FSTL5: variants seen among roughly 807,000 people sequenced by gnomAD.
FSTL5 encodes follistatin like 5.
FSTL5 carries 62 observed loss-of-function variants against 89.1 expected under a neutral mutation model. That is an observed-to-expected ratio of 0.70 (90% CI 0.57 to 0.86). The LOEUF (loss-of-function observed/expected upper bound fraction) is 0.86, where lower values mean the gene tolerates loss of function less well. Among genes scored for constraint, FSTL5 ranks in the 40% least tolerant of loss-of-function variants. The pLI is 0.00. For synonymous variants in FSTL5, 383 were observed against 346.2 expected (o/e 1.11, Z -1.18); for missense variants, 1,057 against 1,001.6 (o/e 1.06, Z -0.75).
intron 3 of FSTL5, among the ~76,000 whole-genome samples, chr4:161,949,007 C>T (rs984025234): frequency 5.3e-5 from 8 of 152,098 alleles, no homozygotes; most frequent in African/African-American, 1.9e-4. Flanking sequence ...GGTTAGAAGT[C>T]TGAAATGGTC....
At chr4:161,446,706 T>C (rs539099643) in intron 15 of FSTL5, among the ~76,000 whole-genome samples, 1 of 152,222 alleles carries the variant, frequency 6.6e-6, no homozygotes, top group African/African-American at 2.4e-5. Flanking sequence ...CCATGCAATG[T>C]ACACTTTCAA....
chr4:161,465,816 A>T lies in FSTL5; in HGVS notation c.1609-6497T>A, dbSNP rs115743951. ...CCTACATAATAATCATTAAAAGAAA[A>T]GTTGTTCACACTGTAGCCTTTGCTT... On this transcript the variant is annotated intron_variant, in intron 13 of 15. Transcript: ENST00000306100. Among the ~76,000 whole-genome samples, 557 of 152,336 alleles carry T rather than the reference A, an allele frequency of 3.7e-3. 3 individuals carry two copies. The highest frequency in any genetic ancestry group is 0.012 in the African/African-American group (504 of 41,580).
At chr4:162,144,161 C>G (rs574367743) in intron 1 of FSTL5, among the ~76,000 whole-genome samples, 1 of 152,202 alleles carries the variant, frequency 6.6e-6, no homozygotes, top group South Asian at 2.1e-4. Context: ...AGAGACTGGT[C>G]TGCGGGAGAT....
At chr4:161,991,207 T>C (rs935860019) in intron 3 of FSTL5, among the ~76,000 whole-genome samples, 8 of 152,196 alleles carry the variant, frequency 5.3e-5, no homozygotes, top group African/African-American at 1.9e-4. Flanking sequence ...ACATAACTCA[T>C]TGGTTTGTCT....
chr4:162,150,233 A>G (rs965579341), intron 1 of FSTL5, among the ~76,000 whole-genome samples: 21 of 152,186 alleles, frequency 1.4e-4, no homozygotes, highest in African/African-American at 4.8e-4. Context: ...ATCAGTTTAC[A>G]TGGAAAATAT....
At chr4:161,998,683 C>T (rs146486031) in intron 3 of FSTL5, among the ~76,000 whole-genome samples, 189 of 152,252 alleles carry the variant, frequency 1.2e-3, no homozygotes, top group African/African-American at 4.4e-3. Context: ...GAGAATTTGA[C>T]TGAATTGCTT....
intron 4 of FSTL5, among the ~76,000 whole-genome samples, chr4:161,883,555 C>T (rs1481239476): frequency 6.6e-6 from 1 of 151,650 alleles, no homozygotes; most frequent in Non-Finnish European, 1.5e-5. Flanking sequence ...CAAAATGAGC[C>T]CTCTGGGATA....
intron 4 of FSTL5, among the ~76,000 whole-genome samples, chr4:161,848,785 A>G (rs1476451985): frequency 6.6e-6 from 1 of 152,144 alleles, no homozygotes; most frequent in Non-Finnish European, 1.5e-5. Context: ...AAAGAGGGAA[A>G]AGAGTCTTGA....
intron 15 of FSTL5, among the ~76,000 whole-genome samples, chr4:161,449,835 C>A (rs62326375): frequency 6.6e-6 from 1 of 151,972 alleles, no homozygotes; most frequent in Non-Finnish European, 1.5e-5. Context: ...ACCAAATAAC[C>A]CAAATGTTAG....
intron 15 of FSTL5, among the ~76,000 whole-genome samples, chr4:161,440,885 A>G (rs1214780669): frequency 1.3e-5 from 2 of 152,134 alleles, no homozygotes; most frequent in Non-Finnish European, 2.9e-5. Context: ...TGTGAAGTCC[A>G]TTACTAATTT....
chr4:161,462,712 C>CTAT (rs1733623199), intron 13 of FSTL5, among the ~76,000 whole-genome samples: 2 of 137,234 alleles, frequency 1.5e-5, no homozygotes, highest in South Asian at 4.2e-4. Context: ...ACCACTCATA[C>CTAT]TACTACTACT....
chr4:161,451,588 A>T (rs1368621734), intron 15 of FSTL5, among the ~76,000 whole-genome samples: 6 of 152,228 alleles, frequency 3.9e-5, no homozygotes, highest in Non-Finnish European at 5.9e-5. Context: ...AAAGAAATGA[A>T]GTAAGTTGGT....
chr4:161,602,228 TGAGAGAGTGA>T (rs1174857817), intron 7 of FSTL5, among the ~76,000 whole-genome samples: 1 of 55,378 alleles, frequency 1.8e-5, no homozygotes, highest in East Asian at 4.3e-4. Flanking sequence ...AGAGAGAGAG[TGAGAGAGTGA>T]GAGAGAGGGA....
rs1579106148 is a variant in FSTL5, at chr4:161,806,802, G to A, written c.410-30728C>T. ...AGATAGATAAAATCGGTGTATGACT[G>A]CAAAGTAAAAGATAAAGAGAGTCTG... On this transcript the variant is annotated intron_variant, in intron 4 of 15. Transcript: ENST00000306100. Among the ~76,000 whole-genome samples, 7 of 152,154 alleles carry A rather than the reference G, an allele frequency of 4.6e-5. No individual in the cohort carries two copies. The South Asian group carries it at 1.5e-3, about 32-fold the overall frequency.
intron 2 of FSTL5, among the ~76,000 whole-genome samples, chr4:162,065,661 A>G (rs1300663926): frequency 6.6e-6 from 1 of 152,032 alleles, no homozygotes; most frequent in Non-Finnish European, 1.5e-5. Context: ...AAGATTCCTC[A>G]GTAAATTAAA....
At position 161,791,570 on chromosome 4, in the gene FSTL5, C is replaced by T. The variant is rs532709150; in HGVS notation, c.410-15496G>A. Among the ~76,000 whole-genome samples, 10 of 152,232 alleles carry T rather than the reference C, an allele frequency of 6.6e-5. No individual in the cohort carries two copies. In the South Asian group the frequency reaches 1.9e-3, roughly 28 times the overall value. On this transcript the variant is annotated intron_variant, in intron 4 of 15. Transcript: ENST00000306100. Reference sequence around the variant, plus strand: ...ATAAACCAGTGGGCATGGCTGTGTTCCAATAATATGTTATTTACAATAGCA... The same window carrying T: ...ATAAACCAGTGGGCATGGCTGTGTTTCAATAATATGTTATTTACAATAGCA...
chr4:161,857,438 T>C (rs1399171658), intron 4 of FSTL5, among the ~76,000 whole-genome samples: 1 of 152,284 alleles, frequency 6.6e-6, no homozygotes, highest in Non-Finnish European at 1.5e-5. Flanking sequence ...GGGGATCAAT[T>C]ATTTGTCGTA....
intron 8 of FSTL5, among the ~76,000 whole-genome samples, chr4:161,557,266 A>T (rs1335678635): frequency 6.6e-6 from 1 of 151,370 alleles, no homozygotes; most frequent in Non-Finnish European, 1.5e-5. Flanking sequence ...CTAAACAAAG[A>T]TAAAATATTT....
At chr4:162,078,771 G>A (rs1291213584) in intron 2 of FSTL5, among the ~76,000 whole-genome samples, 2 of 151,752 alleles carry the variant, frequency 1.3e-5, no homozygotes, top group Admixed American at 1.3e-4. Context: ...CTGACTATGA[G>A]TGTCAAGGGA....
Sources: gnomAD v4.1 joint callset for allele counts (sites outside exome capture counted in the v4.1 genomes callset) on GRCh38, gnomAD v4.1.1 for gene constraint, MANE v1.5 for transcripts, NCBI Gene and HGNC (gene_info 2026-07-23, HGNC 2026-07-21) for gene names.